Variants in ENTPD4 observed in about 807,000 individuals in gnomAD.
ENTPD4 encodes the protein ectonucleoside triphosphate diphosphohydrolase 4, also known as Golgi UDPase.
A neutral mutation model predicts 79.1 loss-of-function variants in ENTPD4; 60 were observed. That is an observed-to-expected ratio of 0.76 (90% CI 0.62 to 0.94). The LOEUF (loss-of-function observed/expected upper bound fraction) is 0.94, where lower values mean the gene tolerates loss of function less well. ENTPD4 is among the 40% of genes least tolerant of loss of function. ENTPD4 has a pLI of 0.00. For synonymous variants in ENTPD4, 276 were observed against 292.0 expected (o/e 0.95, Z 0.56); for missense variants, 772 against 775.1 (o/e 1.00, Z 0.05).
intron 8 of ENTPD4, among the ~76,000 whole-genome samples, chr8:23,440,674 A>G (rs1043656092): frequency 1.3e-5 from 2 of 152,240 alleles, no homozygotes; most frequent in Non-Finnish European, 2.9e-5. Flanking sequence ...CTTAATAAAG[A>G]TGTCAGTAAC....
intron 12 of ENTPD4, among the ~76,000 whole-genome samples, chr8:23,433,808 C>T (rs191890242): frequency 2.8e-4 from 43 of 152,272 alleles, no homozygotes; most frequent in Non-Finnish European, 5.4e-4. Context: ...ATATCATTGA[C>T]GCTCATTGAC....
chr8:23,440,265 A>C (rs1800645069), intron 8 of ENTPD4, among the ~76,000 whole-genome samples: 1 of 152,254 alleles, frequency 6.6e-6, no homozygotes, highest in Admixed American at 6.5e-5. Context: ...GTGACAGAAA[A>C]AACTAGATGT....
intron 1 of ENTPD4, 106 bp from the exon 2 acceptor site, chr8:23,450,103 C>T (rs1301717612): frequency 3.2e-6 from 2 of 619,994 alleles, no homozygotes; most frequent in Non-Finnish European, 5.7e-6. Context: ...TATACATGAT[C>T]CTTGCACTGA....
rs1385124333 is a variant in ENTPD4 at position 23,441,616 on chromosome 8, T to C, written c.835A>G (p.Ile279Val). 2 of 1,614,080 alleles carry C rather than the reference T, an allele frequency of 1.2e-6. No individual in the cohort carries two copies. Among genetic ancestry groups the C allele is most frequent in the Non-Finnish European group, 1.7e-6 (2 of 1,180,036 alleles). ...ACAGTTTTGGGGACTTCGTACGCTA[T>C]CTGAGTCGACACGCCGCCCATGTCG... ...ILDMGGVSTQ[I>V]AYEVPKTVSF... Residue 279 changes from isoleucine to valine, a missense_variant, in exon 8 of 13, where the codon ATA becomes GTA. By Grantham distance (29) the Ile-to-Val change is conservative. Coordinates refer to ENST00000358689, the MANE Select transcript of ENTPD4 (RefSeq NM_004901.5).
At chr8:23,439,650 C>G (rs1357373323) in intron 9 of ENTPD4, 99 bp downstream of exon 9, 1 of 1,102,502 alleles carries the variant, frequency 9.1e-7, no homozygotes, top group Non-Finnish European at 1.4e-6. Flanking sequence ...GTGCAACACA[C>G]TTTTGCTAAT....
Position 23,433,061 on chromosome 8 carries a change from C to T in ENTPD4, c.1716G>A (p.Leu572=). The T allele has an allele frequency of 1.2e-6, 2 of 1,614,140 alleles. No homozygotes were observed. The highest frequency in any genetic ancestry group is 1.7e-6 in the Non-Finnish European group (2 of 1,180,036). The part of the protein sequence containing the change: ...YNHYLFSGCF[L]VVLLAILLYL... The stretch of plus-strand genomic sequence containing the variant: ...ACAGCAGGATGGCCAGCAGCACCAC[C>T]AGGAAGCAGCCAGAGAACAGGTAGT... The change falls in exon 13 of 13, where the codon CTG becomes CTA. Residue 572 remains leucine (L), a synonymous_variant. Transcript: ENST00000358689.
At chr8:23,455,713 T>G (rs1392182986) in intron 1 of ENTPD4, among the ~76,000 whole-genome samples, 4 of 152,198 alleles carry the variant, frequency 2.6e-5, no homozygotes, top group Non-Finnish European at 5.9e-5. Flanking sequence ...AAGTTCCAGT[T>G]CCACGTTCCA....
chr8:23,456,724 A>G (rs1237857064), intron 1 of ENTPD4, among the ~76,000 whole-genome samples: 1 of 152,264 alleles, frequency 6.6e-6, no homozygotes, highest in Admixed American at 6.5e-5. Flanking sequence ...ATATATGGTA[A>G]CACAAATAAT....
chr8:23,442,060 T>A lies in ENTPD4; in HGVS notation c.674A>T (p.Tyr225Phe), dbSNP rs375225673. The A allele has an allele frequency of 1.2e-6, 2 of 1,612,436 alleles. No homozygotes were observed. The highest frequency in any genetic ancestry group is 2.7e-5 in the African/African-American group (2 of 74,918). Residue 225 changes from tyrosine (Y) to phenylalanine (F), a missense_variant, in exon 7 of 13, where the codon TAT (tyrosine) becomes TTT (phenylalanine). By Grantham distance (22) the Tyr-to-Phe change is conservative. Transcript: ENST00000358689. ...GACAAAATTAATGCCAATCCAAGCA[T>A]ACACACCTATAGACATTTTACAGGG... ...EVISGKQEGV[Y>F]AWIGINFVLG...
At chr8:23,442,773 A>G (rs1004435866) in intron 6 of ENTPD4, among the ~76,000 whole-genome samples, 9 of 151,880 alleles carry the variant, frequency 5.9e-5, no homozygotes, top group Admixed American at 2.0e-4. Context: ...CACATTCCCT[A>G]CACCTGGGTT....
At chr8:23,452,712 A>G (rs543380442) in intron 1 of ENTPD4, among the ~76,000 whole-genome samples, 2 of 152,322 alleles carry the variant, frequency 1.3e-5, no homozygotes, top group South Asian at 4.1e-4. Flanking sequence ...CTCCAGCCAC[A>G]TGAAACACAA....
chr8:23,433,949 G>C, intron 12 of ENTPD4: 1 of 191,588 alleles, frequency 5.2e-6, no homozygotes. Flanking sequence ...TCAATATGAT[G>C]GTTTCTTCTG....
chr8:23,439,726 C>T lies in ENTPD4; in HGVS notation c.1049+23G>A, dbSNP rs1453921865. The T allele has an allele frequency of 9.9e-6, 16 of 1,611,586 alleles. No homozygotes were observed. In the Admixed American group the frequency reaches 2.7e-4, roughly 27 times the overall value. Reference sequence around the variant, plus strand: ...AGAGACCTAGGTTTGCAAATGACTGCCAAGTAGTGAAAGGTGCTTTACCTG... The same window carrying T: ...AGAGACCTAGGTTTGCAAATGACTGTCAAGTAGTGAAAGGTGCTTTACCTG... On this transcript the variant is annotated intron_variant, in intron 9 of 12. Transcript: ENST00000358689.
chr8:23,436,584 G>C (rs1464048071), intron 10 of ENTPD4, among the ~76,000 whole-genome samples: 1 of 152,158 alleles, frequency 6.6e-6, no homozygotes, highest in African/African-American at 2.4e-5. Context: ...CAGGAAGGCA[G>C]AGAGAACACA....
rs750634019 is a variant in ENTPD4 at position 23,442,054 on chromosome 8, C to G, written c.680G>C (p.Trp227Ser). ...TCCAAGGACAAAATTAATGCCAATC[C>G]AAGCATACACACCTATAGACATTTT... is the stretch of plus-strand genomic sequence containing the variant. ...ISGKQEGVYA[W>S]IGINFVLGRF... The change falls in exon 7 of 13, where the codon TGG (tryptophan) becomes TCG (serine). Residue 227 changes from tryptophan (W) to serine (S), a missense_variant. By Grantham distance (177) the Trp-to-Ser change is radical. Coordinates refer to ENST00000358689, the MANE Select transcript of ENTPD4 (RefSeq NM_004901.5). 5.0e-6 allele frequency: 8 copies of G among 1,612,774 alleles called. No individual in the cohort carries two copies. The highest frequency in any genetic ancestry group is 6.8e-6 in the Non-Finnish European group (8 of 1,178,996).
Position 23,449,839 on chromosome 8 carries a change from T to G in ENTPD4, c.8+54A>C, listed in dbSNP as rs546766398. On this transcript the variant is annotated intron_variant, in intron 2 of 12. Transcript: ENST00000358689. ...TTTAGATTTTTTTTCTCTCAAGACC[T>G]GTTTTTGCATCACCAAGATTTCATG... is the stretch of plus-strand genomic sequence containing the variant. The G allele has an allele frequency of 1.6e-5, 24 of 1,455,806 alleles. No homozygotes were observed. In the African/African-American group the frequency reaches 3.1e-4, roughly 19 times the overall value. 90.2% of individuals were successfully genotyped at this position (1,455,806 alleles called of 1,614,324 possible). A position where few individuals can be genotyped will look rare whatever the true frequency, so the allele number is the denominator to read the frequency against.
Position 23,430,040 on chromosome 8 carries a change from C to A in ENTPD4, c.*2886G>T. 1 of 985,476 alleles carries A rather than the reference C, an allele frequency of 1.0e-6. No homozygotes were observed. The highest frequency in any genetic ancestry group is 4.7e-5 in the South Asian group (1 of 21,290). 61.0% of individuals were successfully genotyped at this position (985,476 alleles called of 1,614,324 possible). On this transcript the variant is annotated 3_prime_UTR_variant, in exon 13 of 13. Coordinates refer to ENST00000358689, the MANE Select transcript of ENTPD4 (RefSeq NM_004901.5). ...ATAAAGCTTTGGGCAAGTTCCTAGT[C>A]CAATTTCTTCTGCTACAAGTACACA...
At chr8:23,443,144 A>T (rs182767791) in intron 6 of ENTPD4, among the ~76,000 whole-genome samples, 6 of 148,376 alleles carry the variant, frequency 4.0e-5, no homozygotes, top group Non-Finnish European at 5.9e-5. Context: ...TTCAGATGTC[A>T]CTTTCTCCAT....
At position 23,430,782 on chromosome 8, in the gene ENTPD4, C is replaced by T. The variant is rs1206965031; in HGVS notation, c.*2144G>A. Reference sequence around the variant, plus strand: ...CAACCATTTGTGGCCCCTTCCTTTCCTTTCTTCCCTCTCTGCTGCTGACAC... The same window carrying T: ...CAACCATTTGTGGCCCCTTCCTTTCTTTTCTTCCCTCTCTGCTGCTGACAC... On this transcript the variant is annotated 3_prime_UTR_variant, in exon 13 of 13. Transcript: ENST00000358689. The T allele has an allele frequency of 2.0e-6, 2 of 985,616 alleles. No homozygotes were observed. Among genetic ancestry groups the T allele is most frequent in the South Asian group, 4.7e-5 (1 of 21,286 alleles). The allele number at this position is 985,616 out of a possible 1,614,324, so 61.1% of individuals were successfully genotyped here.
Sources: allele counts gnomAD v4.1 joint callset (sites outside exome capture counted in the v4.1 genomes callset), GRCh38; gene constraint gnomAD v4.1.1; transcripts MANE v1.5; gene names NCBI Gene and HGNC (gene_info 2026-07-23, HGNC 2026-07-21).